Variants in GRM8 observed in about 807,000 individuals in gnomAD.
GRM8 encodes the protein metabotropic glutamate receptor 8.
Under a neutral mutation model 87.2 loss-of-function variants are expected in GRM8, and 47 were observed. The observed-to-expected ratio is 0.54, with a 90% CI of 0.43 to 0.69. The LOEUF (loss-of-function observed/expected upper bound fraction) is 0.69, where lower values mean the gene tolerates loss of function less well. Among genes scored for constraint, GRM8 ranks in the 30% least tolerant of loss-of-function variants. The pLI is 0.00. For missense variants in GRM8, 1,019 were observed against 1,139.2 expected, an observed-to-expected ratio of 0.89 and a Z score of 1.52; for synonymous variants, 396 against 404.5, an observed-to-expected ratio of 0.98 and a Z score of 0.25.
chr7:126,918,786 G>A (rs190693607), intron 3 of GRM8, among the ~76,000 whole-genome samples: 279 of 152,138 alleles, frequency 1.8e-3, no homozygotes, highest in African/African-American at 6.1e-3. Flanking sequence ...AAATATAGCC[G>A]GTGTTTTATA....
chr7:127,124,136 T>G (rs1275547722), intron 2 of GRM8, among the ~76,000 whole-genome samples: 1 of 152,166 alleles, frequency 6.6e-6, no homozygotes, highest in African/African-American at 2.4e-5. Context: ...ACTCAACTCC[T>G]CATCCAACTC....
At chr7:126,953,810 C>T (rs1808406825) in intron 3 of GRM8, among the ~76,000 whole-genome samples, 3 of 152,120 alleles carry the variant, frequency 2.0e-5, no homozygotes. Flanking sequence ...CAATATTGAA[C>T]TCCAGTGGAT....
chr7:126,914,499 C>G (rs1490944002), intron 3 of GRM8, among the ~76,000 whole-genome samples: 4 of 152,144 alleles, frequency 2.6e-5, no homozygotes, highest in Non-Finnish European at 1.5e-5. Flanking sequence ...ATTACAATAG[C>G]AAAGACGTGG....
chr7:126,817,373 C>T (rs1793890904), intron 6 of GRM8, among the ~76,000 whole-genome samples: 1 of 152,056 alleles, frequency 6.6e-6, no homozygotes. Flanking sequence ...CCTTCTAGTA[C>T]AGTGAAGGAA....
chr7:126,977,969 A>AAGTAAT (rs1811177464), intron 3 of GRM8, among the ~76,000 whole-genome samples: 1 of 152,214 alleles, frequency 6.6e-6, no homozygotes, highest in African/African-American at 2.4e-5. Context: ...AAATAAATTG[A>AAGTAAT]AAAGAAATAG....
chr7:127,107,522 G>C (rs1825922287), intron 2 of GRM8, among the ~76,000 whole-genome samples: 1 of 152,214 alleles, frequency 6.6e-6, no homozygotes, highest in African/African-American at 2.4e-5. Context: ...GCTGTGGTAT[G>C]AGTGAAAGTT....
At chr7:126,630,253 T>C (rs1801130512) in intron 7 of GRM8, among the ~76,000 whole-genome samples, 1 of 152,008 alleles carries the variant, frequency 6.6e-6, no homozygotes, top group Admixed American at 6.6e-5. Context: ...GATAACAATA[T>C]ATCAAAATAC....
intron 7 of GRM8, among the ~76,000 whole-genome samples, chr7:126,709,873 G>A (rs1003313602): frequency 7.9e-5 from 12 of 152,150 alleles, no homozygotes; most frequent in Middle Eastern, 6.8e-3. Context: ...GCAACAACGC[G>A]GATGAACTCA....
At chr7:126,617,179 T>G (rs917849297) in intron 7 of GRM8, among the ~76,000 whole-genome samples, 1 of 152,144 alleles carries the variant, frequency 6.6e-6, no homozygotes, top group Non-Finnish European at 1.5e-5. Context: ...TTATCCACCA[T>G]GATCAAGTTG....
At chr7:126,999,941 T>C (rs1265731219) in intron 3 of GRM8, among the ~76,000 whole-genome samples, 1 of 151,904 alleles carries the variant, frequency 6.6e-6, no homozygotes, top group African/African-American at 2.4e-5. Context: ...CACTCCCATG[T>C]TTGTTGCAGC....
intron 2 of GRM8, among the ~76,000 whole-genome samples, chr7:127,181,656 C>A (rs1794443242): frequency 6.6e-6 from 1 of 151,932 alleles, no homozygotes; most frequent in African/African-American, 2.4e-5. Flanking sequence ...GCACATAGAC[C>A]AGTGAAACAG....
intron 6 of GRM8, among the ~76,000 whole-genome samples, chr7:126,811,108 A>T (rs1793244788): frequency 2.0e-5 from 3 of 152,146 alleles, no homozygotes; most frequent in Non-Finnish European, 4.4e-5. Context: ...TTTTCCCAGC[A>T]TCATTTATGG....
At chr7:127,029,606 T>C (rs182733705) in intron 3 of GRM8, among the ~76,000 whole-genome samples, 168 of 152,306 alleles carry the variant, frequency 1.1e-3, no homozygotes, top group African/African-American at 3.9e-3. Context: ...TTTGCCTCTT[T>C]TGATCTTTGT....
intron 3 of GRM8, among the ~76,000 whole-genome samples, chr7:127,043,070 A>G (rs1818584155): frequency 6.6e-6 from 1 of 152,242 alleles, no homozygotes; most frequent in South Asian, 2.1e-4. Flanking sequence ...ATGAGATACC[A>G]TCTCACACCA....
chr7:126,489,105 A>T lies in GRM8; in HGVS notation c.2431-42733T>A, dbSNP rs1239641040. ...ATAGAAGATCTAAATTTAACTGTCC[A>T]CATAGTATAGACTTAAAGAAGCACA... On this transcript the variant is annotated intron_variant, in intron 9 of 10. Transcript: ENST00000339582. 5.3e-5 allele frequency among the ~76,000 whole-genome samples: 8 copies of T among 152,076 alleles called. No homozygotes were observed. The East Asian group carries it at 1.6e-3, about 30-fold the overall frequency.
chr7:126,467,979 T>A (rs1232448689), intron 9 of GRM8, among the ~76,000 whole-genome samples: 6 of 152,080 alleles, frequency 3.9e-5, no homozygotes, highest in Non-Finnish European at 8.8e-5. Flanking sequence ...GCAAATGATT[T>A]AATATAATCA....
At chr7:127,138,848 G>T (rs1828096861) in intron 2 of GRM8, among the ~76,000 whole-genome samples, 2 of 152,074 alleles carry the variant, frequency 1.3e-5, no homozygotes, top group East Asian at 3.9e-4. Flanking sequence ...ACGAAAATCA[G>T]AACAAAGAAA....
intron 2 of GRM8, among the ~76,000 whole-genome samples, chr7:127,129,914 C>T (rs1423745427): frequency 6.6e-6 from 1 of 152,132 alleles, no homozygotes; most frequent in African/African-American, 2.4e-5. Flanking sequence ...TATGGTTTGG[C>T]TCTATGTCCC....
At chr7:127,041,359 A>G (rs1818413700) in intron 3 of GRM8, among the ~76,000 whole-genome samples, 2 of 152,208 alleles carry the variant, frequency 1.3e-5, no homozygotes, top group African/African-American at 4.8e-5. Flanking sequence ...AATATATGAC[A>G]TATGGGCTCC....
Sources: gnomAD v4.1 joint callset for allele counts (sites outside exome capture counted in the v4.1 genomes callset) on GRCh38, gnomAD v4.1.1 for gene constraint, MANE v1.5 for transcripts, NCBI Gene and HGNC (gene_info 2026-07-23, HGNC 2026-07-21) for gene names.